The following SUGCT variants were observed in gnomAD, a reference collection of about 807,000 sequenced individuals.
SUGCT encodes succinyl-CoA:glutarate CoA-transferase.
Under a neutral mutation model 55.0 loss-of-function variants are expected in SUGCT, and 41 were observed. The observed-to-expected ratio is 0.74, with a 90% CI of 0.58 to 0.97. The LOEUF (loss-of-function observed/expected upper bound fraction) is 0.97. Ranked by LOEUF, SUGCT falls within the 50% of genes least tolerant of loss-of-function variation. The pLI is 0.00. For missense variants in SUGCT, 568 were observed against 547.8 expected (o/e 1.04, Z -0.37); for synonymous variants, 187 against 200.4 (o/e 0.93, Z 0.56).
chr7:40,219,665 G>A (rs1243147950), intron 6 of SUGCT, among the ~76,000 whole-genome samples: 1 of 151,862 alleles, frequency 6.6e-6, no homozygotes, highest in Non-Finnish European at 1.5e-5. Flanking sequence ...ACGGGGGTAG[G>A]GGTGGTGACT....
intron 1 of SUGCT, among the ~76,000 whole-genome samples, chr7:40,174,474 C>T (rs1784828052): frequency 6.6e-6 from 1 of 152,060 alleles, no homozygotes; most frequent in South Asian, 2.1e-4. Flanking sequence ...AGTCATTCTT[C>T]AATAAAGTTA....
At chr7:40,271,614 T>C (rs1792020077) in intron 7 of SUGCT, among the ~76,000 whole-genome samples, 1 of 152,160 alleles carries the variant, frequency 6.6e-6, no homozygotes, top group Admixed American at 6.6e-5. Flanking sequence ...CATACATTAA[T>C]ATAATCAGAT....
intron 12 of SUGCT, among the ~76,000 whole-genome samples, chr7:40,540,787 A>C (rs931489347): frequency 3.3e-5 from 5 of 152,190 alleles, no homozygotes; most frequent in African/African-American, 1.2e-4. Context: ...TCGCAGTAGA[A>C]CTTTAGAATT....
chr7:40,594,058 A>T (rs1466590450), intron 12 of SUGCT, among the ~76,000 whole-genome samples: 1 of 152,178 alleles, frequency 6.6e-6, no homozygotes, highest in East Asian at 1.9e-4. Flanking sequence ...CATCATTCTC[A>T]GTAAACTATC....
chr7:40,928,841 C>T, the SUGCT span, among the ~76,000 whole-genome samples: 1,003 of 152,116 alleles, frequency 6.6e-3, 11 homozygotes, highest in African/African-American at 0.023. Context: ...CCTTGTGCTC[C>T]GCCCACCTTG....
the SUGCT span, among the ~76,000 whole-genome samples, chr7:40,992,170 G>A: frequency 9.9e-5 from 15 of 152,102 alleles, no homozygotes; most frequent in African/African-American, 2.2e-4. Flanking sequence ...TGGGTTTTCC[G>A]GAAAAGGGGT....
chr7:40,536,071 A>T (rs1794345978), intron 12 of SUGCT, among the ~76,000 whole-genome samples: 1 of 152,012 alleles, frequency 6.6e-6, no homozygotes, highest in Admixed American at 6.6e-5. Flanking sequence ...TGGATATTAG[A>T]CCTTTGTCGA....
intron 9 of SUGCT, among the ~76,000 whole-genome samples, chr7:40,447,099 C>G (rs1583698946): frequency 6.6e-6 from 1 of 152,164 alleles, no homozygotes; most frequent in South Asian, 2.1e-4. Context: ...CATTAACAAT[C>G]ACTCCCCATC....
At chr7:40,320,256 C>A (rs12701814) in intron 9 of SUGCT, among the ~76,000 whole-genome samples, 1 of 32,528 alleles carries the variant, frequency 3.1e-5, no homozygotes. Flanking sequence ...ACAGGCATAA[C>A]AAAAACGCCT....
the SUGCT span, among the ~76,000 whole-genome samples, chr7:41,030,986 G>A: frequency 6.6e-6 from 1 of 152,252 alleles, no homozygotes. Context: ...TTTGAGATAA[G>A]AGTCTCACTC....
Position 40,730,045 on chromosome 7 carries a change from G to T in SUGCT, c.1090-19389G>T, listed in dbSNP as rs75644320. ...GGTCCTGCTAATACAGAGGGTCCAG[G>T]GAAGAACATGAAGCAGGGGAATGAC... On this transcript the variant is annotated intron_variant, in intron 12 of 13. Transcript: ENST00000335693. Among the ~76,000 whole-genome samples the T allele has an allele frequency of 8.9e-3, 1,362 of 152,278 alleles. 16 individuals carry two copies. Among genetic ancestry groups the T allele is most frequent in the African/African-American group, 0.031 (1,281 of 41,564 alleles).
At chr7:40,314,269 T>C (rs1309098737) in intron 8 of SUGCT, among the ~76,000 whole-genome samples, 8 of 152,196 alleles carry the variant, frequency 5.3e-5, no homozygotes, top group African/African-American at 1.9e-4. Flanking sequence ...CCACCTCATG[T>C]AGCCCTTGAT....
chr7:40,894,390 T>C, the SUGCT span, among the ~76,000 whole-genome samples: 1 of 152,052 alleles, frequency 6.6e-6, no homozygotes, highest in South Asian at 2.1e-4. Flanking sequence ...GAAATACCAT[T>C]CTGGACATAG....
intron 1 of SUGCT, chr7:40,141,922 G>A (rs1055112392): frequency 3.2e-6 from 1 of 312,762 alleles, no homozygotes; most frequent in Non-Finnish European, 6.6e-6. Flanking sequence ...TATCCCTGAT[G>A]CACGTGGCCC....
chr7:40,839,020 G>C (rs1434889280), intron 13 of SUGCT, among the ~76,000 whole-genome samples: 1 of 147,682 alleles, frequency 6.8e-6, no homozygotes, highest in Non-Finnish European at 1.5e-5. Context: ...ATGATCACAT[G>C]ATTTTTCTCC....
intron 12 of SUGCT, among the ~76,000 whole-genome samples, chr7:40,625,207 A>G (rs971871163): frequency 1.3e-5 from 2 of 151,792 alleles, no homozygotes; most frequent in African/African-American, 4.8e-5. Flanking sequence ...CTCCGGCTGC[A>G]TTTTTCTCTG....
chr7:40,533,420 A>G (rs1281341864), intron 12 of SUGCT, among the ~76,000 whole-genome samples: 2 of 152,130 alleles, frequency 1.3e-5, no homozygotes, highest in Non-Finnish European at 2.9e-5. Context: ...ATATTTTACT[A>G]TAATTATGCA....
At chr7:40,257,704 C>T (rs369887609) in intron 7 of SUGCT, among the ~76,000 whole-genome samples, 5 of 151,886 alleles carry the variant, frequency 3.3e-5, no homozygotes, top group African/African-American at 7.2e-5. Flanking sequence ...GCATAAACCC[C>T]GTCTCTACAA....
At chr7:40,227,985 C>T (rs940227352) in intron 6 of SUGCT, among the ~76,000 whole-genome samples, 14 of 151,940 alleles carry the variant, frequency 9.2e-5, no homozygotes, top group African/African-American at 2.9e-4. Context: ...TGGGTTCAAG[C>T]GATTCTCCTG....
Sources: gnomAD v4.1 joint callset for allele counts (sites outside exome capture counted in the v4.1 genomes callset) on GRCh38, gnomAD v4.1.1 for gene constraint, MANE v1.5 for transcripts, NCBI Gene and HGNC (gene_info 2026-07-23, HGNC 2026-07-21) for gene names.